TSC22D1: variants seen among roughly 807,000 people sequenced by gnomAD.
TSC22D1 encodes TSC22 domain family protein 1.
A neutral mutation model predicts 74.2 loss-of-function variants in TSC22D1; 9 were observed. The ratio of observed to expected loss-of-function variants is 0.12; its 90% CI spans 0.07 to 0.21. The LOEUF (loss-of-function observed/expected upper bound fraction) is 0.21, where lower values mean the gene tolerates loss of function less well. Among genes scored for constraint, TSC22D1 ranks in the 10% least tolerant of loss-of-function variants. The pLI, the probability that TSC22D1 is intolerant of heterozygous loss-of-function variation, is 1.00. For missense variants in TSC22D1, 1,427 were observed against 1,304.7 expected (o/e 1.09, Z -1.44); for synonymous variants, 586 against 492.5 (o/e 1.19, Z -2.51).
intron 1 of TSC22D1, among the ~76,000 whole-genome samples, chr13:44,548,659 T>G (rs1242566731): frequency 1.3e-5 from 2 of 152,116 alleles, no homozygotes; most frequent in Non-Finnish European, 2.9e-5. Context: ...CGTAGCAAAA[T>G]TTAACAACTT....
At position 44,439,210 on chromosome 13, in the gene TSC22D1, A is replaced by G. The variant is rs570907945; in HGVS notation, c.2913-3115T>C. On this transcript the variant is annotated intron_variant, in intron 1 of 2. Transcript: ENST00000458659. ...TGTTAATACTTGGATATTTTAAATA[A>G]AATTGCAAGGAACATCCTTCTACAT... is the stretch of plus-strand genomic sequence containing the variant. 6.6e-5 allele frequency among the ~76,000 whole-genome samples: 10 copies of G among 152,362 alleles called. No individual in the cohort carries two copies. In the South Asian group the frequency reaches 2.1e-3, roughly 32 times the overall value.
chr13:44,436,010 C>T (rs1566109740), intron 2 of TSC22D1, 34 bp downstream of exon 2: 2 of 1,600,992 alleles, frequency 1.2e-6, no homozygotes, highest in South Asian at 1.1e-5. Flanking sequence ...GCTGTGCCCA[C>T]ATTTAGTATA....
chr13:44,517,851 A>AT (rs1566149903), intron 1 of TSC22D1, among the ~76,000 whole-genome samples: 3 of 21,764 alleles, frequency 1.4e-4, no homozygotes, highest in African/African-American at 2.9e-4. Context: ...ATATATATAT[A>AT]TATATATTTT....
Position 44,434,717 on chromosome 13 carries a change from T to C in TSC22D1, c.3131A>G (p.Gln1044Arg). Residue 1044 changes from glutamine to arginine, a missense_variant, in exon 3 of 3, where the codon CAG becomes CGG. Around this residue, in one of 3 missense-constraint regions of TSC22D1, gnomAD observed 63 missense variants for 50.5 expected, o/e 1.25. Transcript: ENST00000458659. ...GGTGGTGGCAGGGGGGGAGCCAGTCTGCAGCTGGGCCTGAAACTGGGCAAG... is the reference window on the plus strand; with the variant it reads ...GGTGGTGGCAGGGGGGGAGCCAGTCCGCAGCTGGGCCTGAAACTGGGCAAG... ...EQLAQFQAQL[Q>R]TGSPPATTQP... The C allele has an allele frequency of 6.2e-7, 1 of 1,612,922 alleles. No homozygotes were observed. The highest frequency in any genetic ancestry group is 1.1e-5 in the South Asian group (1 of 90,960).
intron 1 of TSC22D1, among the ~76,000 whole-genome samples, chr13:44,557,388 G>A (rs540747386): frequency 6.6e-5 from 10 of 152,332 alleles, no homozygotes; most frequent in East Asian, 1.9e-4. Flanking sequence ...TTGAACCTGC[G>A]AGGTGGAGGT....
intron 1 of TSC22D1, among the ~76,000 whole-genome samples, chr13:44,510,826 C>A (rs924862344): frequency 6.6e-6 from 1 of 152,138 alleles, no homozygotes; most frequent in Non-Finnish European, 1.5e-5. Flanking sequence ...AAACTCCTGA[C>A]CTCAGGTGAT....
chr13:44,458,443 G>C (rs1302780364), intron 1 of TSC22D1, among the ~76,000 whole-genome samples: 1 of 152,198 alleles, frequency 6.6e-6, no homozygotes, highest in Non-Finnish European at 1.5e-5. Context: ...AGCCCATCTA[G>C]AGCAGCCACT....
At chr13:44,526,328 T>C (rs1378315700) in intron 1 of TSC22D1, among the ~76,000 whole-genome samples, 1 of 151,062 alleles carries the variant, frequency 6.6e-6, no homozygotes, top group Admixed American at 6.6e-5. Flanking sequence ...AGCAAAGAGA[T>C]GAAAATTCTG....
At chr13:44,510,173 C>T (rs912643509) in intron 1 of TSC22D1, among the ~76,000 whole-genome samples, 2 of 150,144 alleles carry the variant, frequency 1.3e-5, no homozygotes, top group African/African-American at 4.9e-5. Context: ...CACCTGAGGT[C>T]GGGAGATCGA....
At chr13:44,436,361 T>C in intron 1 of TSC22D1, 1 of 1,205,014 alleles carries the variant, frequency 8.3e-7, no homozygotes, top group East Asian at 2.3e-5. Context: ...AAAAATAAGG[T>C]TTTTTAACAT....
At chr13:44,538,542 C>A in intron 1 of TSC22D1, 5 of 985,280 alleles carry the variant, frequency 5.1e-6, no homozygotes, top group Non-Finnish European at 6.0e-6. Flanking sequence ...TACAGAGAGC[C>A]GCTTTTAAAA....
chr13:44,485,781 A>G (rs2137943781), intron 1 of TSC22D1, among the ~76,000 whole-genome samples: 1 of 152,240 alleles, frequency 6.6e-6, no homozygotes, highest in African/African-American at 2.4e-5. Context: ...CTAAACAAAC[A>G]TTACCTATAT....
At chr13:44,533,022 A>G (rs1880939363) in intron 1 of TSC22D1, among the ~76,000 whole-genome samples, 1 of 152,156 alleles carries the variant, frequency 6.6e-6, no homozygotes, top group Non-Finnish European at 1.5e-5. Flanking sequence ...AATTTGTTTA[A>G]AAGAGTGTGG....
intron 1 of TSC22D1, among the ~76,000 whole-genome samples, chr13:44,508,581 C>T (rs1274100779): frequency 6.6e-6 from 1 of 152,170 alleles, no homozygotes; most frequent in Non-Finnish European, 1.5e-5. Context: ...CATCCAACAG[C>T]CAGGATGATT....
intron 1 of TSC22D1, among the ~76,000 whole-genome samples, chr13:44,545,670 A>G (rs1881779068): frequency 6.6e-6 from 1 of 151,938 alleles, no homozygotes; most frequent in African/African-American, 2.4e-5. Context: ...GTGCACTTAG[A>G]AAACTCAGAA....
chr13:44,569,607 T>G (rs1352416768), intron 1 of TSC22D1, among the ~76,000 whole-genome samples: 1 of 152,260 alleles, frequency 6.6e-6, no homozygotes, highest in Non-Finnish European at 1.5e-5. Flanking sequence ...GTATTACTCC[T>G]ATTTTATAGG....
intron 1 of TSC22D1, among the ~76,000 whole-genome samples, chr13:44,445,205 G>A (rs937611174): frequency 4.1e-5 from 6 of 146,816 alleles, no homozygotes; most frequent in African/African-American, 1.3e-4. Flanking sequence ...ACAAAACAGA[G>A]AGGTCAAAGA....
At chr13:44,470,929 C>T (rs1877565270) in intron 1 of TSC22D1, among the ~76,000 whole-genome samples, 1 of 152,182 alleles carries the variant, frequency 6.6e-6, no homozygotes, top group South Asian at 2.1e-4. Flanking sequence ...TTAATCACAT[C>T]CAATAATACA....
rs945559064 is a variant in TSC22D1, at chr13:44,510,155, G to A, written c.2912+63008C>T. 8.6e-5 allele frequency among the ~76,000 whole-genome samples: 13 copies of A among 151,698 alleles called. No individual in the cohort carries two copies. The Middle Eastern group carries it at 0.014, about 161-fold the overall frequency. On this transcript the variant is annotated intron_variant, in intron 1 of 2. Transcript: ENST00000458659. ...TCCTAGCACTCTGGGAGGCTGAGGC[G>A]GGTGGATCACCTGAGGTCGGGAGAT...
Sources: allele counts gnomAD v4.1 joint callset (sites outside exome capture counted in the v4.1 genomes callset), GRCh38; gene constraint gnomAD v4.1.1; regional missense constraint gnomAD v4.1.1; transcripts MANE v1.5; gene names NCBI Gene and HGNC (gene_info 2026-07-23, HGNC 2026-07-21).